The following PDE4D variants were observed in gnomAD, a reference collection of about 807,000 sequenced individuals.
PDE4D encodes the protein phosphodiesterase 4D.
Under a neutral mutation model 87.4 loss-of-function variants are expected in PDE4D, and 24 were observed. The observed-to-expected ratio is 0.27, with a 90% CI of 0.20 to 0.39. PDE4D has a LOEUF of 0.39. PDE4D is among the 10% of genes least tolerant of loss of function. The pLI is 1.00. For missense variants in PDE4D, 714 were observed against 1,041.0 expected (o/e 0.69, Z 4.32); for synonymous variants, 384 against 383.2 (o/e 1.00, Z -0.02).
chr5:59,107,646 A>G (rs536631164), intron 5 of PDE4D, among the ~76,000 whole-genome samples: 1 of 152,342 alleles, frequency 6.6e-6, no homozygotes, highest in African/African-American at 2.4e-5. Context: ...AGGAACTCCC[A>G]AAAGCAAAAC....
At chr5:60,176,736 T>C (rs1188982699) in intron 2 of PDE4D, among the ~76,000 whole-genome samples, 1 of 152,156 alleles carries the variant, frequency 6.6e-6, no homozygotes, top group African/African-American at 2.4e-5. Context: ...GATTGCTCTT[T>C]TAGTTTGACA....
At chr5:59,988,149 A>G in intron 3 of PDE4D, 1 of 198,882 alleles carries the variant, frequency 5.0e-6, no homozygotes, top group Non-Finnish European at 1.0e-5. Flanking sequence ...ATGTATCACT[A>G]CATGGTAATT....
At chr5:59,430,807 A>G (rs907975271) in intron 1 of PDE4D, among the ~76,000 whole-genome samples, 3 of 152,084 alleles carry the variant, frequency 2.0e-5, no homozygotes, top group African/African-American at 7.2e-5. Flanking sequence ...ATGTAATAGT[A>G]GTTTGGTAAT....
intron 1 of PDE4D, among the ~76,000 whole-genome samples, chr5:60,329,453 C>T (rs1757118590): frequency 6.6e-6 from 1 of 152,132 alleles, no homozygotes; most frequent in Admixed American, 6.5e-5. Flanking sequence ...TCAATTAAAC[C>T]TCTTTCCTTT....
chr5:60,271,627 G>A (rs906975733), intron 1 of PDE4D, among the ~76,000 whole-genome samples: 4 of 152,022 alleles, frequency 2.6e-5, no homozygotes, highest in Non-Finnish European at 4.4e-5. Flanking sequence ...ATGAGGAGAA[G>A]GTTTTAATAG....
At chr5:59,651,258 C>CAACAAT (rs551682264) in intron 1 of PDE4D, among the ~76,000 whole-genome samples, 1,929 of 142,236 alleles carry the variant, frequency 0.014, 21 homozygotes, top group Middle Eastern at 0.029. Context: ...TCTGTCTCAA[C>CAACAAT]AATAATAATA....
intron 1 of PDE4D, among the ~76,000 whole-genome samples, chr5:59,585,319 A>T (rs2153701469): frequency 6.6e-6 from 1 of 152,286 alleles, no homozygotes; most frequent in Admixed American, 6.5e-5. Context: ...GCTCTCAGGG[A>T]GCTTTCATTT....
chr5:59,880,761 A>C (rs1015840205), intron 1 of PDE4D, among the ~76,000 whole-genome samples: 2 of 152,216 alleles, frequency 1.3e-5, no homozygotes, highest in African/African-American at 4.8e-5. Context: ...AATGCACTTG[A>C]GTCTGGGGTC....
intron 3 of PDE4D, among the ~76,000 whole-genome samples, chr5:59,919,797 T>C (rs540809796): frequency 1.8e-4 from 27 of 152,342 alleles, no homozygotes; most frequent in African/African-American, 5.5e-4. Context: ...GTTTTACATG[T>C]ATATGCGCAT....
intron 1 of PDE4D, among the ~76,000 whole-genome samples, chr5:60,322,466 C>G (rs1373731602): frequency 6.6e-6 from 1 of 151,886 alleles, no homozygotes; most frequent in African/African-American, 2.4e-5. Context: ...ACCTTTACCT[C>G]TCTTTCTTGT....
intron 1 of PDE4D, among the ~76,000 whole-genome samples, chr5:59,645,200 C>G (rs1348658361): frequency 1.3e-5 from 2 of 152,128 alleles, no homozygotes; most frequent in Non-Finnish European, 2.9e-5. Context: ...TTCCTGTGGT[C>G]TAGAAATGTT....
At chr5:59,101,392 T>A (rs949509744) in intron 5 of PDE4D, among the ~76,000 whole-genome samples, 3 of 151,958 alleles carry the variant, frequency 2.0e-5, no homozygotes, top group Non-Finnish European at 4.4e-5. Flanking sequence ...TAGCTTTTAA[T>A]AAGAAGGGGG....
At chr5:59,955,855 T>C (rs982412508) in intron 3 of PDE4D, among the ~76,000 whole-genome samples, 6 of 152,130 alleles carry the variant, frequency 3.9e-5, no homozygotes, top group African/African-American at 1.4e-4. Context: ...AAGATCGACA[T>C]GTTCTTTGGT....
At chr5:59,963,223 G>T (rs147131913) in intron 3 of PDE4D, among the ~76,000 whole-genome samples, 27 of 152,258 alleles carry the variant, frequency 1.8e-4, no homozygotes, top group African/African-American at 6.5e-4. Flanking sequence ...GGACCTGAAG[G>T]TTATGCTCTC....
chr5:60,215,725 A>T (rs1018806768), intron 1 of PDE4D, among the ~76,000 whole-genome samples: 4 of 152,140 alleles, frequency 2.6e-5, no homozygotes, highest in Non-Finnish European at 4.4e-5. Flanking sequence ...TCCCAGACCT[A>T]TGTTATCATA....
chr5:59,452,600 T>C (rs1478783463), intron 1 of PDE4D, among the ~76,000 whole-genome samples: 2 of 152,218 alleles, frequency 1.3e-5, no homozygotes, highest in Admixed American at 6.5e-5. Context: ...TAAAACACTC[T>C]GGCTTCTCTC....
At chr5:58,994,566 T>C (rs1314666442) in intron 6 of PDE4D, among the ~76,000 whole-genome samples, 3 of 152,206 alleles carry the variant, frequency 2.0e-5, no homozygotes, top group African/African-American at 2.4e-5. Flanking sequence ...AATTTCACCA[T>C]AAATTCTCAT....
intron 2 of PDE4D, among the ~76,000 whole-genome samples, chr5:60,030,110 A>C (rs1456127748): frequency 6.6e-6 from 1 of 152,198 alleles, no homozygotes; most frequent in African/African-American, 2.4e-5. Context: ...CTAAAGCCCT[A>C]ATTACACAGA....
intron 1 of PDE4D, among the ~76,000 whole-genome samples, chr5:59,545,614 G>A (rs960702242): frequency 6.6e-6 from 1 of 152,104 alleles, no homozygotes; most frequent in African/African-American, 2.4e-5. Context: ...AATGATATGT[G>A]GGCTTTTCAC....
Sources: gnomAD v4.1 joint callset for allele counts (sites outside exome capture counted in the v4.1 genomes callset) on GRCh38, gnomAD v4.1.1 for gene constraint, MANE v1.5 for transcripts, NCBI Gene and HGNC (gene_info 2026-07-23, HGNC 2026-07-21) for gene names.